PTPRN2: variants seen among roughly 807,000 people sequenced by gnomAD.
PTPRN2 encodes the protein receptor-type tyrosine-protein phosphatase N2.
Under a neutral mutation model 118.8 loss-of-function variants are expected in PTPRN2, and 74 were observed. The ratio of observed to expected loss-of-function variants is 0.62; its 90% CI spans 0.52 to 0.76. The LOEUF (loss-of-function observed/expected upper bound fraction) is 0.76. Among genes scored for constraint, PTPRN2 ranks in the 30% least tolerant of loss-of-function variants. The pLI is 0.00. For synonymous variants in PTPRN2, 641 were observed against 608.0 expected (o/e 1.05, Z -0.80); for missense variants, 1,481 against 1,394.4 (o/e 1.06, Z -0.99).
intron 12 of PTPRN2, among the ~76,000 whole-genome samples, chr7:157,765,090 C>A (rs141509987): frequency 2.0e-5 from 3 of 151,462 alleles, no homozygotes; most frequent in Admixed American, 6.6e-5. Context: ...TACCTCCATC[C>A]ATCCAACCAC....
In PTPRN2 at chr7:157,847,701, C is replaced by T. The variant is rs147477397; in HGVS notation, c.1788+50972G>A. On this transcript the variant is annotated intron_variant, in intron 12 of 22. Transcript: ENST00000389418. ...CGGATGTTTACAGATGTTTACAGAG[C>T]GCTCTCTCACTCCATCATGTGTGCC... Among the ~76,000 whole-genome samples, 11 of 147,250 alleles carry T rather than the reference C, an allele frequency of 7.5e-5. 1 individual carries two copies. Among genetic ancestry groups the T allele is most frequent in the African/African-American group, 2.5e-4 (10 of 39,636 alleles).
At position 158,545,002 on chromosome 7, in the gene PTPRN2, TC is replaced by T. The variant is rs1350108151; in HGVS notation, c.112+42555del. 2.6e-5 allele frequency among the ~76,000 whole-genome samples: 4 copies of T among 152,268 alleles called. No individual in the cohort carries two copies. The East Asian group carries it at 5.8e-4, about 22-fold the overall frequency. ...AGAAATGGGAAGGTGATCTGCATCC[TC>T]CCAGGCCCCCTCTGGAAGCTCCAGG... On this transcript the variant is annotated intron_variant, in intron 1 of 22. Transcript: ENST00000389418.
At chr7:158,156,860 T>C (rs1585673437) in intron 6 of PTPRN2, among the ~76,000 whole-genome samples, 1 of 152,234 alleles carries the variant, frequency 6.6e-6, no homozygotes, top group Admixed American at 6.5e-5. Flanking sequence ...GATGACATCA[T>C]ATGCAGAGGA....
At chr7:157,541,259 A>G (rs149305362) in intron 22 of PTPRN2, among the ~76,000 whole-genome samples, 4 of 152,362 alleles carry the variant, frequency 2.6e-5, no homozygotes, top group African/African-American at 7.2e-5. Context: ...TGTCCTCGGA[A>G]GTGTGGTGTT....
At chr7:157,614,247 G>A in intron 15 of PTPRN2, 1 of 408,722 alleles carries the variant, frequency 2.4e-6, no homozygotes, top group Admixed American at 2.8e-5. Flanking sequence ...GGCTGGTCAT[G>A]TTCCTACAGC....
intron 13 of PTPRN2, among the ~76,000 whole-genome samples, chr7:157,664,286 C>T (rs976289169): frequency 1.3e-5 from 2 of 152,250 alleles, no homozygotes; most frequent in African/African-American, 4.8e-5. Context: ...TTGAAGGTTA[C>T]AGCATCAGCT....
chr7:158,389,712 A>T (rs1811778470), intron 2 of PTPRN2, among the ~76,000 whole-genome samples: 1 of 152,276 alleles, frequency 6.6e-6, no homozygotes, highest in South Asian at 2.1e-4. Context: ...ACGGATGACA[A>T]CACAGATGCA....
At chr7:158,325,879 G>A (rs1487423042) in intron 2 of PTPRN2, among the ~76,000 whole-genome samples, 7 of 152,350 alleles carry the variant, frequency 4.6e-5, no homozygotes, top group African/African-American at 9.6e-5. Flanking sequence ...AAATGCATCC[G>A]CTCTTGCGGC....
chr7:157,604,267 G>A (rs1042697561), intron 15 of PTPRN2, among the ~76,000 whole-genome samples, 192 bp from the exon 16 acceptor site: 4 of 152,092 alleles, frequency 2.6e-5, no homozygotes, highest in Admixed American at 6.5e-5. Flanking sequence ...ACCCCTGCCC[G>A]GGCTCCAGGG....
intron 11 of PTPRN2, among the ~76,000 whole-genome samples, chr7:158,002,758 G>T (rs770020372): frequency 2.1e-4 from 32 of 152,336 alleles, no homozygotes; most frequent in Admixed American, 7.2e-4. Context: ...AAATGGACTT[G>T]CCGGGGAGGA....
At chr7:157,551,252 C>T (rs932284605) in intron 21 of PTPRN2, among the ~76,000 whole-genome samples, 12 of 152,074 alleles carry the variant, frequency 7.9e-5, no homozygotes, top group African/African-American at 2.4e-4. Context: ...CTGTTGCACC[C>T]GTGACTGTAC....
intron 12 of PTPRN2, among the ~76,000 whole-genome samples, chr7:157,879,566 G>T (rs999889402): frequency 6.6e-6 from 1 of 152,186 alleles, no homozygotes; most frequent in Admixed American, 6.5e-5. Context: ...CAGTAGCTGG[G>T]AGTTAACCGG....
In PTPRN2 at chr7:158,574,300, T is replaced by A. The variant is rs1828208528; in HGVS notation, c.112+13258A>T. Among the ~76,000 whole-genome samples the A allele has an allele frequency of 6.6e-6, 1 of 152,260 alleles. No homozygotes were observed. Among genetic ancestry groups the A allele is most frequent in the Non-Finnish European group, 1.5e-5 (1 of 68,040 alleles). On this transcript the variant is annotated intron_variant, in intron 1 of 22. Transcript: ENST00000389418. This position sits in a 1 kb window ranked among gnomAD's most constrained non-coding sequence, Gnocchi z 4.6. Reference sequence around the variant, plus strand: ...AATTTTAGTGAATACAAAGAAGTTTTTGTATCTTCAGCAAAATATTTTAAT... The same window carrying A: ...AATTTTAGTGAATACAAAGAAGTTTATGTATCTTCAGCAAAATATTTTAAT...
intron 14 of PTPRN2, among the ~76,000 whole-genome samples, chr7:157,633,084 T>C (rs1240216512): frequency 6.6e-6 from 1 of 152,094 alleles, no homozygotes; most frequent in African/African-American, 2.4e-5. Context: ...GGGAGCACAG[T>C]AGTTAGCTGG....
At chr7:158,146,664 T>G (rs1380764137) in intron 6 of PTPRN2, among the ~76,000 whole-genome samples, 11 of 144,388 alleles carry the variant, frequency 7.6e-5, no homozygotes, top group East Asian at 4.0e-4. Flanking sequence ...GAGCTAGTAG[T>G]GAGCTGAGAT....
intron 14 of PTPRN2, among the ~76,000 whole-genome samples, chr7:157,641,152 G>C (rs977518098): frequency 6.6e-6 from 1 of 152,172 alleles, no homozygotes; most frequent in African/African-American, 2.4e-5. Context: ...TGTGAGGAGG[G>C]CAGAAATGTG....
chr7:158,153,506 C>A (rs1297806975), intron 6 of PTPRN2, among the ~76,000 whole-genome samples: 1 of 152,164 alleles, frequency 6.6e-6, no homozygotes, highest in Non-Finnish European at 1.5e-5. Context: ...GCCCACAGCC[C>A]ACCCGTCTGT....
intron 3 of PTPRN2, among the ~76,000 whole-genome samples, chr7:158,247,494 G>A (rs1028680152): frequency 9.2e-5 from 14 of 152,196 alleles, no homozygotes; most frequent in South Asian, 2.1e-4. Flanking sequence ...CCATGTCCAC[G>A]GCTCGTGGGC....
At chr7:157,572,307 G>A (rs930341251) in intron 19 of PTPRN2, among the ~76,000 whole-genome samples, 1 of 152,180 alleles carries the variant, frequency 6.6e-6, no homozygotes, top group African/African-American at 2.4e-5. Flanking sequence ...CGGGTTATTG[G>A]AATAAAGCAT....
Sources: allele counts gnomAD v4.1 joint callset (sites outside exome capture counted in the v4.1 genomes callset), GRCh38; gene constraint gnomAD v4.1.1; non-coding constraint Gnocchi (gnomAD v3.1); transcripts MANE v1.5; gene names NCBI Gene and HGNC (gene_info 2026-07-23, HGNC 2026-07-21).